The following NKAIN2 variants were observed in gnomAD, a reference collection of about 807,000 sequenced individuals.
NKAIN2 encodes sodium/potassium-transporting ATPase subunit beta-1-interacting protein 2.
A neutral mutation model predicts 32.6 loss-of-function variants in NKAIN2; 14 were observed. The ratio of observed to expected loss-of-function variants is 0.43; its 90% CI spans 0.28 to 0.67. The LOEUF (loss-of-function observed/expected upper bound fraction) is 0.67, where lower values mean the gene tolerates loss of function less well. Among genes scored for constraint, NKAIN2 ranks in the 30% least tolerant of loss-of-function variants. The pLI is 0.17. For synonymous variants in NKAIN2, 80 were observed against 87.2 expected (o/e 0.92, Z 0.46); for missense variants, 198 against 258.3 (o/e 0.77, Z 1.60).
At chr6:124,131,830 G>A (rs1786494448) in intron 1 of NKAIN2, among the ~76,000 whole-genome samples, 1 of 152,128 alleles carries the variant, frequency 6.6e-6, no homozygotes, top group Non-Finnish European at 1.5e-5. Flanking sequence ...GGTAAAAGAA[G>A]CTTCCAGGTG....
chr6:124,328,469 G>C (rs1436565527), intron 2 of NKAIN2, among the ~76,000 whole-genome samples: 3 of 152,092 alleles, frequency 2.0e-5, no homozygotes, highest in African/African-American at 7.2e-5. Flanking sequence ...CTTTCTCTTT[G>C]CTATAATCTG....
At chr6:124,668,080 G>A (rs17052223) in intron 4 of NKAIN2, among the ~76,000 whole-genome samples, 8,893 of 152,106 alleles carry the variant, frequency 0.058, 348 homozygotes, top group African/African-American at 0.11. Context: ...TGTCCCGACT[G>A]CCGTTCATTT....
At chr6:124,490,304 C>A in intron 3 of NKAIN2, 1 of 408,630 alleles carries the variant, frequency 2.4e-6, no homozygotes, top group South Asian at 1.8e-5. Flanking sequence ...TCATCACCAC[C>A]AATTAGAGAA....
intron 3 of NKAIN2, among the ~76,000 whole-genome samples, chr6:124,534,912 T>C (rs1444893344): frequency 6.6e-6 from 1 of 152,212 alleles, no homozygotes; most frequent in African/African-American, 2.4e-5. Flanking sequence ...AAATACAAAA[T>C]CTATAAATGC....
chr6:124,675,084 G>C (rs1372189153), intron 4 of NKAIN2, among the ~76,000 whole-genome samples: 1 of 151,892 alleles, frequency 6.6e-6, no homozygotes, highest in Non-Finnish European at 1.5e-5. Flanking sequence ...GGTGAATTTT[G>C]TCAAATGCTT....
At chr6:124,546,910 G>A (rs1780114673) in intron 3 of NKAIN2, among the ~76,000 whole-genome samples, 1 of 152,176 alleles carries the variant, frequency 6.6e-6, no homozygotes, top group Non-Finnish European at 1.5e-5. Flanking sequence ...CTGAAAACAT[G>A]TTCTCAGCAT....
At chr6:124,709,073 T>C (rs1470246668) in intron 4 of NKAIN2, among the ~76,000 whole-genome samples, 22 of 121,342 alleles carry the variant, frequency 1.8e-4, no homozygotes, top group Admixed American at 3.2e-4. Flanking sequence ...TGTCAAAGGC[T>C]TTTTCTGCAT....
chr6:124,198,166 G>A (rs1790415004), intron 1 of NKAIN2, among the ~76,000 whole-genome samples: 1 of 152,016 alleles, frequency 6.6e-6, no homozygotes, highest in Admixed American at 6.6e-5. Flanking sequence ...TGTACCACGT[G>A]AAGGCTAGGA....
chr6:124,349,809 C>A (rs1286003192), intron 2 of NKAIN2, among the ~76,000 whole-genome samples: 1 of 152,146 alleles, frequency 6.6e-6, no homozygotes, highest in Non-Finnish European at 1.5e-5. Context: ...AATTTGATTT[C>A]ATCATTGGAG....
At chr6:124,155,151 C>T (rs1001014117) in intron 1 of NKAIN2, among the ~76,000 whole-genome samples, 10 of 151,850 alleles carry the variant, frequency 6.6e-5, no homozygotes, top group African/African-American at 2.4e-4. Context: ...TCTAGTTATC[C>T]CAACATCAAG....
At chr6:124,590,764 G>A (rs980091932) in intron 3 of NKAIN2, among the ~76,000 whole-genome samples, 2 of 141,856 alleles carry the variant, frequency 1.4e-5, no homozygotes, top group African/African-American at 2.6e-5. Context: ...GAAGAAAAAC[G>A]GGACCTTCTG....
intron 1 of NKAIN2, among the ~76,000 whole-genome samples, chr6:123,855,785 A>G (rs1254981100): frequency 1.3e-5 from 2 of 152,218 alleles, no homozygotes; most frequent in Admixed American, 6.5e-5. Flanking sequence ...TGGATTCACC[A>G]TAGAAAACTT....
chr6:124,444,540 T>C (rs1338849774), intron 3 of NKAIN2, among the ~76,000 whole-genome samples: 1 of 152,076 alleles, frequency 6.6e-6, no homozygotes, highest in Non-Finnish European at 1.5e-5. Flanking sequence ...AACCGTATTA[T>C]ATATACTGTT....
At chr6:124,344,938 T>C (rs1489494574) in intron 2 of NKAIN2, among the ~76,000 whole-genome samples, 4 of 152,228 alleles carry the variant, frequency 2.6e-5, no homozygotes, top group African/African-American at 9.6e-5. Context: ...CTTCCAGTTT[T>C]TGCCCATTCA....
At chr6:124,335,326 G>T (rs143287936) in intron 2 of NKAIN2, among the ~76,000 whole-genome samples, 190 of 152,294 alleles carry the variant, frequency 1.2e-3, no homozygotes, top group Non-Finnish European at 2.0e-3. Context: ...TTTATATATA[G>T]AGAGAGATTG....
intron 3 of NKAIN2, among the ~76,000 whole-genome samples, chr6:124,385,459 G>A (rs758985022): frequency 1.1e-4 from 17 of 152,028 alleles, no homozygotes; most frequent in East Asian, 1.9e-4. Flanking sequence ...CCAAATGCAC[G>A]ATTATAACCA....
In NKAIN2 at chr6:124,640,811, T is replaced by C. The variant is rs182753212; in HGVS notation, c.274-17375T>C. 5.2e-4 allele frequency among the ~76,000 whole-genome samples: 79 copies of C among 152,332 alleles called. 2 individuals are homozygous for C. The highest frequency in any genetic ancestry group is 4.6e-3 in the Admixed American group (71 of 15,306). ...TTAACATAGCATGGAGATTTGCTTA[T>C]TGAATTTTTTCCCGTTTCCTATTTT... On this transcript the variant is annotated intron_variant, in intron 3 of 6. Transcript: ENST00000368417.
chr6:124,232,730 G>A (rs78564152), intron 1 of NKAIN2, among the ~76,000 whole-genome samples: 3,394 of 145,842 alleles, frequency 0.023, 123 homozygotes, highest in Admixed American at 0.092. Flanking sequence ...GCCATCACTG[G>A]CAAAATGGCA....
At chr6:124,544,867 C>T (rs1028859724) in intron 3 of NKAIN2, among the ~76,000 whole-genome samples, 5 of 152,034 alleles carry the variant, frequency 3.3e-5, no homozygotes, top group Admixed American at 6.6e-5. Flanking sequence ...AGAACTTCCC[C>T]GGAAAATTTT....
Sources: gnomAD v4.1 joint callset for allele counts (sites outside exome capture counted in the v4.1 genomes callset) on GRCh38, gnomAD v4.1.1 for gene constraint, MANE v1.5 for transcripts, NCBI Gene and HGNC (gene_info 2026-07-23, HGNC 2026-07-21) for gene names.